The following GALNT16 variants were observed in gnomAD, a reference collection of about 807,000 sequenced individuals.
The protein encoded by GALNT16 is polypeptide N-acetylgalactosaminyltransferase 16, also known as UDP-GalNAc:polypeptide N-acetylgalactosaminyltransferase-like protein 1.
In GALNT16, 40 loss-of-function variants were observed where a neutral mutation model predicts 76.1. The ratio of observed to expected loss-of-function variants is 0.53; its 90% CI spans 0.41 to 0.68. The LOEUF is 0.68. GALNT16 is among the 30% of genes least tolerant of loss of function. The pLI is 0.00. For missense variants in GALNT16, 621 were observed against 731.9 expected, an observed-to-expected ratio of 0.85 and a Z score of 1.75; for synonymous variants, 276 against 285.2, an observed-to-expected ratio of 0.97 and a Z score of 0.32.
chr14:69,345,789 T>C (rs2045554926), intron 12 of GALNT16, among the ~76,000 whole-genome samples: 1 of 151,958 alleles, frequency 6.6e-6, no homozygotes, highest in South Asian at 2.1e-4. Flanking sequence ...GTTTTAATAA[T>C]ATAATATTTT....
intron 1 of GALNT16, 56 bp downstream of exon 1, chr14:69,260,523 A>T: frequency 8.3e-7 from 1 of 1,204,252 alleles, no homozygotes. Context: ...GCGCGTCCAG[A>T]CCCTGCGCGG....
intron 1 of GALNT16, among the ~76,000 whole-genome samples, chr14:69,297,888 A>G (rs1450721723): frequency 6.6e-6 from 1 of 152,180 alleles, no homozygotes; most frequent in Non-Finnish European, 1.5e-5. Flanking sequence ...ATGTGCCAGC[A>G]TTGTGTCTTA....
chr14:69,299,987 A>T (rs1019920193), intron 1 of GALNT16, among the ~76,000 whole-genome samples: 2 of 152,210 alleles, frequency 1.3e-5, no homozygotes, highest in Admixed American at 6.5e-5. Flanking sequence ...GGATGAAAGG[A>T]TGAAGCCCCA....
chr14:69,377,418 T>C, the GALNT16 span, among the ~76,000 whole-genome samples: 1 of 152,242 alleles, frequency 6.6e-6, no homozygotes, highest in Non-Finnish European at 1.5e-5. Flanking sequence ...GCTGTGATGA[T>C]AAATATGTAG....
At chr14:69,379,387 CAT>C in the GALNT16 span, among the ~76,000 whole-genome samples, 3 of 152,070 alleles carry the variant, frequency 2.0e-5, no homozygotes, top group South Asian at 2.1e-4. Context: ...AAACTGAGCA[CAT>C]ATGAGTATGT....
At chr14:69,380,562 C>G in the GALNT16 span, 4 of 1,610,018 alleles carry the variant, frequency 2.5e-6, no homozygotes, top group Non-Finnish European at 3.4e-6. Context: ...GTTGGGCCTG[C>G]CGACGAAGGA....
At chr14:69,346,014 AGTAC>A (rs1425450473) in intron 12 of GALNT16, among the ~76,000 whole-genome samples, 1 of 151,898 alleles carries the variant, frequency 6.6e-6, no homozygotes, top group African/African-American at 2.4e-5. Flanking sequence ...TAGCCTCCCA[AGTAC>A]GTGGGACTAT....
chr14:69,294,343 A>G (rs996749260), intron 1 of GALNT16, among the ~76,000 whole-genome samples: 1 of 152,132 alleles, frequency 6.6e-6, no homozygotes, highest in African/African-American at 2.4e-5. Context: ...GCTGGTCTTG[A>G]ACTCCTGACC....
At chr14:69,297,331 C>T (rs2044782336) in intron 1 of GALNT16, among the ~76,000 whole-genome samples, 1 of 152,172 alleles carries the variant, frequency 6.6e-6, no homozygotes, top group African/African-American at 2.4e-5. Context: ...TTAACTGTTA[C>T]ATAATAGTTC....
rs952939800 is a variant in GALNT16 at position 69,275,735 on chromosome 14, G to A, written c.177+15268G>A. Among the ~76,000 whole-genome samples the A allele has an allele frequency of 5.9e-5, 9 of 152,180 alleles. No homozygotes were observed. The South Asian group carries it at 1.2e-3, about 21-fold the overall frequency. ...TTAGCCAGGCATGGTGGCATGCACC[G>A]AGTAGTCCCAGCTACTCTGGAGGCT... On this transcript the variant is annotated intron_variant, in intron 1 of 14. Transcript: ENST00000448469.
rs922771215 is a variant in GALNT16, at chr14:69,338,886, G to T, written c.1094+109G>T. ...CTGTGGGCAGCCACCTCACTTCTTG[G>T]GCCTCAGTTTCCCCATTTGCCCCCT... On this transcript the variant is annotated intron_variant, in intron 10 of 14. Coordinates refer to ENST00000448469, the MANE Select transcript of GALNT16 (RefSeq NM_001168368.2). 3 of 862,174 alleles carry T rather than the reference G, an allele frequency of 3.5e-6. No individual in the cohort carries two copies. The South Asian group carries it at 5.4e-5, about 16-fold the overall frequency. 53.4% of individuals were successfully genotyped at this position (862,174 alleles called of 1,614,324 possible).
intron 12 of GALNT16, among the ~76,000 whole-genome samples, chr14:69,342,318 C>T (rs1439217858): frequency 6.6e-6 from 1 of 151,454 alleles, no homozygotes; most frequent in African/African-American, 2.4e-5. Context: ...CGTGGTGGCA[C>T]ACACCTATGA....
intron 1 of GALNT16, among the ~76,000 whole-genome samples, chr14:69,296,625 A>G (rs2044762694): frequency 6.6e-6 from 1 of 151,280 alleles, no homozygotes; most frequent in Admixed American, 6.6e-5. Context: ...CCTGGGAGGC[A>G]GAGGTTGCAG....
At chr14:69,265,386 A>G (rs1440374296) in intron 1 of GALNT16, among the ~76,000 whole-genome samples, 2 of 152,080 alleles carry the variant, frequency 1.3e-5, no homozygotes, top group Non-Finnish European at 2.9e-5. Context: ...GATCTTTGGG[A>G]GCATGGCTTT....
intron 3 of GALNT16, 67 bp downstream of exon 3, chr14:69,324,857 G>A: frequency 9.6e-7 from 1 of 1,040,192 alleles, no homozygotes; most frequent in Admixed American, 2.5e-5. Flanking sequence ...ATTGGGCGCT[G>A]TGGCCAGACA....
chr14:69,323,343 A>G (rs1481007385), intron 2 of GALNT16, among the ~76,000 whole-genome samples: 1 of 152,170 alleles, frequency 6.6e-6, no homozygotes, highest in African/African-American at 2.4e-5. Context: ...CATCAATCCC[A>G]GAGGCATGCA....
At chr14:69,369,040 C>T in the GALNT16 span, among the ~76,000 whole-genome samples, 2 of 152,190 alleles carry the variant, frequency 1.3e-5, no homozygotes, top group Admixed American at 6.5e-5. Flanking sequence ...CTCTTGTTGC[C>T]TGAGCTAAGT....
chr14:69,386,006 C>T, the GALNT16 span, among the ~76,000 whole-genome samples: 1 of 152,250 alleles, frequency 6.6e-6, no homozygotes, highest in South Asian at 2.1e-4. Context: ...TCTACACTAG[C>T]TGTCCCTCAT....
intron 2 of GALNT16, among the ~76,000 whole-genome samples, chr14:69,321,440 C>T (rs1001543593): frequency 1.3e-5 from 2 of 152,190 alleles, no homozygotes; most frequent in Non-Finnish European, 2.9e-5. Flanking sequence ...GCATTAGCCC[C>T]TCTCTGGGTC....
Sources: allele counts gnomAD v4.1 joint callset (sites outside exome capture counted in the v4.1 genomes callset), GRCh38; gene constraint gnomAD v4.1.1; transcripts MANE v1.5; gene names NCBI Gene and HGNC (gene_info 2026-07-23, HGNC 2026-07-21).